The following ENAM variants were observed in gnomAD, a reference collection of about 807,000 sequenced individuals.
ENAM encodes the protein enamelin, also known as amelogenesis imperfecta 2, hypocalcification (autosomal dominant).
ENAM carries 21 observed loss-of-function variants against 33.6 expected under a neutral mutation model. That is an observed-to-expected ratio of 0.63 (90% CI 0.44 to 0.90). ENAM has a LOEUF of 0.90. Among genes scored for constraint, ENAM ranks in the 40% least tolerant of loss-of-function variants. ENAM has a pLI of 0.00. For synonymous variants in ENAM, 473 were observed against 468.4 expected (o/e 1.01, Z -0.13); for missense variants, 1,388 against 1,366.9 (o/e 1.02, Z -0.24).
intron 4 of ENAM, 106 bp downstream of exon 4, chr4:70,631,999 A>G: frequency 2.0e-6 from 2 of 1,023,562 alleles, no homozygotes; most frequent in Non-Finnish European, 3.1e-6. Context: ...ATTTCTTATG[A>G]AAAAGGTAAA....
Position 70,644,582 on chromosome 4 carries a change from T to C in ENAM, c.3156T>C (p.Ile1052=), listed in dbSNP as rs777712068. 2.6e-5 allele frequency: 42 copies of C among 1,612,974 alleles called. No homozygotes were observed. Among genetic ancestry groups the C allele is most frequent in the Non-Finnish European group, 3.6e-5 (42 of 1,179,296 alleles). ...GGCAACAGCAAAGACCATCTAACAT[T>C]CTGCATTTGCCATGCTTTGGCTCCA... is the stretch of plus-strand genomic sequence containing the variant. ...SERQQQRPSN[I]LHLPCFGSKL... Residue 1052 remains isoleucine (I), a synonymous_variant, in exon 9 of 9, where the codon ATT becomes ATC. Transcript: ENST00000396073.
chr4:70,631,272 T>C (rs1315700473), intron 2 of ENAM, among the ~76,000 whole-genome samples: 1 of 152,198 alleles, frequency 6.6e-6, no homozygotes, highest in African/African-American at 2.4e-5. Context: ...TCACTATTTC[T>C]TTATAAATCA....
intron 2 of ENAM, 23 bp from the exon 3 acceptor site, chr4:70,631,647 T>C: frequency 6.4e-7 from 1 of 1,572,988 alleles, no homozygotes; most frequent in Non-Finnish European, 8.8e-7. Context: ...AGACCAAAAA[T>C]AAAAATCAAT....
At chr4:70,637,556 A>AC in intron 7 of ENAM, 1 of 544,930 alleles carries the variant, frequency 1.8e-6, no homozygotes, top group Non-Finnish European at 3.3e-6. Context: ...AGAGTATTTT[A>AC]AGTAGGATAA....
At chr4:70,638,514 G>C (rs1738517838) in intron 8 of ENAM, among the ~76,000 whole-genome samples, 1 of 143,648 alleles carries the variant, frequency 7.0e-6, no homozygotes, top group Non-Finnish European at 1.5e-5. Flanking sequence ...TGGGGGTGGA[G>C]GTTGCAGTGA....
rs957795425 is a variant in ENAM, at chr4:70,635,704, A to G, written c.472-128A>G. 6 of 697,572 alleles carry G rather than the reference A, an allele frequency of 8.6e-6. No individual in the cohort carries two copies. The African/African-American group carries it at 1.1e-4, about 12-fold the overall frequency. 43.2% of individuals were successfully genotyped at this position (697,572 alleles called of 1,614,324 possible). On this transcript the variant is annotated intron_variant, in intron 6 of 8. Coordinates refer to ENST00000396073, the MANE Select transcript of ENAM (RefSeq NM_031889.3). ...TTATCATTATCGTCTTTGCCCTATA[A>G]AAAACACAGAGTTTAATGCAAAGGG...
intron 7 of ENAM, among the ~76,000 whole-genome samples, chr4:70,637,103 G>A (rs945616887): frequency 6.6e-6 from 1 of 152,148 alleles, no homozygotes; most frequent in Admixed American, 6.5e-5. Context: ...TTAAAAGAGT[G>A]ACTTCCTTTT....
intron 2 of ENAM, among the ~76,000 whole-genome samples, chr4:70,631,279 A>C (rs553786500): frequency 1.3e-5 from 2 of 152,292 alleles, no homozygotes; most frequent in South Asian, 4.1e-4. Flanking sequence ...TTCTTTATAA[A>C]TCAACTAGTA....
chr4:70,645,066 GT>G lies in ENAM; in HGVS notation c.*212del. 1 of 579,844 alleles carries G rather than the reference GT, an allele frequency of 1.7e-6. No homozygotes were observed. Among genetic ancestry groups the G allele is most frequent in the East Asian group, 2.8e-5 (1 of 36,204 alleles). 35.9% of individuals were successfully genotyped at this position (579,844 alleles called of 1,614,324 possible). A position where few individuals can be genotyped will look rare whatever the true frequency, so the allele number is the denominator to read the frequency against. On this transcript the variant is annotated 3_prime_UTR_variant, in exon 9 of 9. Transcript: ENST00000396073. ...CCAGATCTAGCACTTTCACAGATTA[GT>G]GCAGACCTTAAAAAAGCAAGAAGGC...
At chr4:70,633,390 G>A (rs1303497650) in intron 5 of ENAM, among the ~76,000 whole-genome samples, 1 of 151,938 alleles carries the variant, frequency 6.6e-6, no homozygotes, top group Non-Finnish European at 1.5e-5. Context: ...ACTTTTGATT[G>A]GCTCAACTTT....
intron 6 of ENAM, 40 bp downstream of exon 6, chr4:70,634,608 C>G: frequency 1.2e-6 from 2 of 1,606,744 alleles, no homozygotes; most frequent in Non-Finnish European, 1.7e-6. Flanking sequence ...TGTAAATGGC[C>G]TCGGAGAGAT....
intron 8 of ENAM, among the ~76,000 whole-genome samples, chr4:70,639,033 G>A (rs1249312186): frequency 2.0e-5 from 3 of 151,906 alleles, no homozygotes; most frequent in Non-Finnish European, 4.4e-5. Flanking sequence ...CTGGCCTCAA[G>A]TGATCCAGCC....
rs368423807 is a variant in ENAM, at chr4:70,631,867, C to T, written c.142C>T (p.Pro48Ser). The T allele has an allele frequency of 2.7e-5, 44 of 1,613,888 alleles. No individual in the cohort carries two copies. The highest frequency in any genetic ancestry group is 1.7e-4 in the African/African-American group (13 of 74,910). Residue 48 changes from proline (P) to serine (S), a missense_variant, in exon 4 of 9, where the codon CCT (proline) becomes TCT (serine). Coordinates refer to ENST00000396073, the MANE Select transcript of ENAM (RefSeq NM_031889.3). ...VAMPMHMPRM[P>S]GFSSKSEEMM... ...CTTCCAGATGCACATGCCCCGAATG[C>T]CTGGATTTAGCAGTAAAAGTGAGGA...
In ENAM at chr4:70,634,454, C is replaced by A. The variant is rs775629492; in HGVS notation, c.357C>A (p.Thr119=). 15 of 1,614,058 alleles carry A rather than the reference C, an allele frequency of 9.3e-6. No individual in the cohort carries two copies. The East Asian group carries it at 3.1e-4, about 34-fold the overall frequency. The change falls in exon 6 of 9, where the codon ACC becomes ACA. Residue 119 remains threonine, a synonymous_variant. Transcript: ENST00000396073. ...APKRHNKTDQ[T]QETQKPNQTQ... is the part of the protein sequence containing the mutation. Reference sequence around the variant, plus strand: ...AACGTCATAACAAGACTGATCAGACCCAAGAAACCCAGAAACCCAACCAGA... The same window carrying A: ...AACGTCATAACAAGACTGATCAGACACAAGAAACCCAGAAACCCAACCAGA...
intron 2 of ENAM, among the ~76,000 whole-genome samples, chr4:70,630,306 T>TA (rs1738278297): frequency 6.6e-6 from 1 of 152,184 alleles, no homozygotes; most frequent in Non-Finnish European, 1.5e-5. Context: ...GGGTGAGCAT[T>TA]GGCTCCAATT....
In ENAM at chr4:70,642,874, C is replaced by G. The variant is rs1428906784; in HGVS notation, c.1448C>G (p.Pro483Arg). The change falls in exon 9 of 9, where the codon CCA (proline) becomes CGA (arginine). Residue 483 changes from proline (P) to arginine (R), a missense_variant. By Grantham distance (103) the Pro-to-Arg change is moderately radical. Transcript: ENST00000396073. ...LPHSEGYMPV[P>R]NFNSVDQHEN... ...CACTCTGAGGGTTATATGCCAGTCC[C>G]AAATTTTAATTCTGTTGATCAACAT... 1 of 1,614,058 alleles carries G rather than the reference C, an allele frequency of 6.2e-7. No individual in the cohort carries two copies.
Position 70,640,346 on chromosome 4 carries a change from A to G in ENAM, c.589-1669A>G, listed in dbSNP as rs538423806. 1.8e-4 allele frequency among the ~76,000 whole-genome samples: 27 copies of G among 152,240 alleles called. No individual in the cohort carries two copies. The South Asian group carries it at 2.3e-3, about 13-fold the overall frequency. On this transcript the variant is annotated intron_variant, in intron 8 of 8. Transcript: ENST00000396073. ...ATGGAAGTCAAGACACAGAAGGTAG[A>G]AGTCAAACTGAGCTCTGAAGGATGA...
chr4:70,635,902 A>AT lies in ENAM; in HGVS notation c.534+17dup, dbSNP rs759483186. ...CCATGGCAAATTCCACAGGTGAGAA[A>AT]TTTTTTTTTCTTTACACTGTAAGTG... On this transcript the variant is annotated intron_variant, in intron 7 of 8. Coordinates refer to ENST00000396073, the MANE Select transcript of ENAM (RefSeq NM_031889.3). The AT allele has an allele frequency of 4.0e-4, 622 of 1,560,454 alleles. No homozygotes were observed. Among genetic ancestry groups the AT allele is most frequent in the Non-Finnish European group, 4.7e-4 (538 of 1,134,772 alleles).
rs144225109 is a variant in ENAM at position 70,643,631 on chromosome 4, T to C, written c.2205T>C (p.Ser735=). The change falls in exon 9 of 9, where the codon TCT becomes TCC. Residue 735 remains serine, a synonymous_variant. Coordinates refer to ENST00000396073, the MANE Select transcript of ENAM (RefSeq NM_031889.3). ...DENFPSYNTA[S]TMPPPIESRG... is the part of the protein sequence containing the mutation. ...ATTTTCCATCATATAATACAGCTTC[T>C]ACTATGCCACCACCTATAGAGAGCA... 1,349 of 1,614,166 alleles carry C rather than the reference T, an allele frequency of 8.4e-4. 1 individual carries two copies. Among genetic ancestry groups the C allele is most frequent in the Middle Eastern group, 3.6e-3 (22 of 6,062 alleles).
Sources: allele counts gnomAD v4.1 joint callset (sites outside exome capture counted in the v4.1 genomes callset), GRCh38; gene constraint gnomAD v4.1.1; transcripts MANE v1.5; gene names NCBI Gene and HGNC (gene_info 2026-07-23, HGNC 2026-07-21).